LMO7: variants seen among roughly 807,000 people sequenced by gnomAD.
LMO7 encodes the protein LIM domain only protein 7.
In LMO7, 120 loss-of-function variants were observed where a neutral mutation model predicts 206.5. That is an observed-to-expected ratio of 0.58 (90% CI 0.50 to 0.68). The LOEUF is 0.68. Among genes scored for constraint, LMO7 ranks in the 30% least tolerant of loss-of-function variants. The probability of loss-of-function intolerance (pLI) is 0.00; values close to 1 mark genes in which losing one functional copy is unlikely to be tolerated. For missense variants in LMO7, 1,959 were observed against 1,957.9 expected, an observed-to-expected ratio of 1.00 and a Z score of -0.01; for synonymous variants, 706 against 681.5, an observed-to-expected ratio of 1.04 and a Z score of -0.56.
Position 75,817,291 on chromosome 13 carries a change from G to T in LMO7, c.2064+13G>T. The T allele has an allele frequency of 6.8e-7, 1 of 1,477,300 alleles. No individual in the cohort carries two copies. The highest frequency in any genetic ancestry group is 9.4e-7 in the Non-Finnish European group (1 of 1,058,910). The allele number at this position is 1,477,300 out of a possible 1,614,324, so 91.5% of individuals were successfully genotyped here. On this transcript the variant is annotated intron_variant, in intron 12 of 30. Transcript: ENST00000377534. ...GAAATGGCAGGATGTGAGTATTTTG[G>T]GGATTGGAGGGGAGAGAGTGTATTT...
At chr13:75,799,404 A>G (rs952867667) in intron 6 of LMO7, among the ~76,000 whole-genome samples, 2 of 152,162 alleles carry the variant, frequency 1.3e-5, no homozygotes, top group Non-Finnish European at 2.9e-5. Context: ...CCATCCATCT[A>G]TGTTTTTACT....
chr13:75,639,463 G>T (rs905992464), intron 1 of LMO7, among the ~76,000 whole-genome samples: 1 of 152,158 alleles, frequency 6.6e-6, no homozygotes, highest in Non-Finnish European at 1.5e-5. Flanking sequence ...ATGTAGCAGG[G>T]CTGGTTTATG....
chr13:75,687,962 T>A (rs889896028), intron 1 of LMO7, among the ~76,000 whole-genome samples: 1 of 152,156 alleles, frequency 6.6e-6, no homozygotes, highest in African/African-American at 2.4e-5. Context: ...TTCTTTCCCA[T>A]GCCATTCTTG....
chr13:75,834,106 C>G (rs550882867), intron 16 of LMO7, 120 bp from the exon 17 acceptor site: 4 of 696,630 alleles, frequency 5.7e-6, no homozygotes, highest in Non-Finnish European at 9.1e-6. Flanking sequence ...TGACCTCCAC[C>G]TGAAAAAGAG....
intron 9 of LMO7, chr13:75,806,235 A>T (rs1218068188): frequency 4.0e-6 from 4 of 991,028 alleles, no homozygotes; most frequent in Non-Finnish European, 3.6e-6. Flanking sequence ...CAGCCAGGAG[A>T]AGCAGTAGTG....
chr13:75,769,758 G>A (rs899092958), intron 4 of LMO7, among the ~76,000 whole-genome samples: 1 of 152,080 alleles, frequency 6.6e-6, no homozygotes, highest in Non-Finnish European at 1.5e-5. Context: ...TGAGCAATTT[G>A]AGGGAGAAGT....
chr13:75,717,504 A>G (rs952847488), intron 2 of LMO7, among the ~76,000 whole-genome samples: 41 of 151,882 alleles, frequency 2.7e-4, no homozygotes, highest in Admixed American at 1.3e-3. Flanking sequence ...TGTATCAGCC[A>G]TGTGACCACA....
chr13:75,852,979 T>G, intron 27 of LMO7, 113 bp from the exon 28 acceptor site: 1 of 819,314 alleles, frequency 1.2e-6, no homozygotes, highest in Non-Finnish European at 1.9e-6. Context: ...ATACTTAGAT[T>G]AATATCCACA....
intron 3 of LMO7, among the ~76,000 whole-genome samples, chr13:75,749,727 C>A (rs1485851751): frequency 1.3e-5 from 2 of 152,146 alleles, no homozygotes; most frequent in African/African-American, 4.8e-5. Flanking sequence ...CCTTTAAGCT[C>A]TCCTAGTTGG....
intron 1 of LMO7, among the ~76,000 whole-genome samples, chr13:75,700,080 G>A (rs1250732897): frequency 1.3e-5 from 2 of 152,194 alleles, no homozygotes; most frequent in Non-Finnish European, 2.9e-5. Context: ...CCTGCAGGCA[G>A]TCAGGCCTTA....
At chr13:75,622,516 A>C (rs1483023140) in intron 1 of LMO7, among the ~76,000 whole-genome samples, 1 of 152,204 alleles carries the variant, frequency 6.6e-6, no homozygotes, top group Non-Finnish European at 1.5e-5. Flanking sequence ...ATTGTCTGTA[A>C]GTACTACCTT....
chr13:75,828,578 C>A (rs2058348469), intron 15 of LMO7, among the ~76,000 whole-genome samples: 1 of 152,142 alleles, frequency 6.6e-6, no homozygotes, highest in African/African-American at 2.4e-5. Context: ...TTGAAACTTA[C>A]CAGAACTGAA....
intron 7 of LMO7, among the ~76,000 whole-genome samples, chr13:75,802,069 T>G (rs2054820456): frequency 6.6e-6 from 1 of 152,208 alleles, no homozygotes. Context: ...TACTTCAGTA[T>G]GAACATCATT....
chr13:75,712,768 A>T (rs1324870439), intron 1 of LMO7, among the ~76,000 whole-genome samples: 1 of 152,244 alleles, frequency 6.6e-6, no homozygotes, highest in Non-Finnish European at 1.5e-5. Flanking sequence ...GATGGAATTG[A>T]AATTAATGAT....
chr13:75,643,817 C>T (rs564019467), intron 1 of LMO7, among the ~76,000 whole-genome samples: 30 of 152,316 alleles, frequency 2.0e-4, no homozygotes, highest in Admixed American at 4.6e-4. Context: ...GTCCCATGAA[C>T]AGCCTTTCCA....
intron 2 of LMO7, among the ~76,000 whole-genome samples, chr13:75,623,828 G>A (rs962500526): frequency 3.3e-5 from 5 of 152,140 alleles, no homozygotes; most frequent in African/African-American, 9.7e-5. Context: ...TCTGACTGTG[G>A]TGTAACTAGG....
chr13:75,810,337 C>G (rs1226280438), intron 11 of LMO7, among the ~76,000 whole-genome samples: 2 of 152,190 alleles, frequency 1.3e-5, no homozygotes, highest in African/African-American at 4.8e-5. Context: ...ATAAGAATCT[C>G]TAGTTTTGAT....
intron 1 of LMO7, among the ~76,000 whole-genome samples, chr13:75,640,588 T>G (rs2036439239): frequency 6.6e-6 from 1 of 152,186 alleles, no homozygotes. Flanking sequence ...CTTTTTGCAT[T>G]GTGTGGTTCT....
chr13:75,722,047 A>G (rs1348534963), intron 2 of LMO7, among the ~76,000 whole-genome samples: 2 of 152,226 alleles, frequency 1.3e-5, no homozygotes, highest in Non-Finnish European at 2.9e-5. Flanking sequence ...ACCTTATACA[A>G]AAGTCAACTA....
Sources: gnomAD v4.1 joint callset for allele counts (sites outside exome capture counted in the v4.1 genomes callset) on GRCh38, gnomAD v4.1.1 for gene constraint, MANE v1.5 for transcripts, NCBI Gene and HGNC (gene_info 2026-07-23, HGNC 2026-07-21) for gene names.